The following DIAPH2 variants were observed in gnomAD, a reference collection of about 807,000 sequenced individuals.
DIAPH2 encodes the protein protein diaphanous homolog 2.
In DIAPH2, 35 loss-of-function variants were observed where a neutral mutation model predicts 92.7. The ratio of observed to expected loss-of-function variants is 0.38; its 90% CI spans 0.29 to 0.50. DIAPH2 has a LOEUF of 0.50. Among genes scored for constraint, DIAPH2 ranks in the 20% least tolerant of loss-of-function variants. The pLI is 0.94. For missense variants in DIAPH2, 701 were observed against 819.5 expected (o/e 0.86, Z 1.77); for synonymous variants, 301 against 280.4 (o/e 1.07, Z -0.73).
Position 97,410,338 on chromosome X carries a change from CT to C in DIAPH2, c.3146-19311del, listed in dbSNP as rs1212031707. ...AGGGACCTGACTCGTAGAAGGAAAA[CT>C]AACAAACAGAAAGGAATAGCATCAA... is the stretch of plus-strand genomic sequence containing the variant. On this transcript the variant is annotated intron_variant, in intron 25 of 26. Coordinates refer to ENST00000324765, the MANE Select transcript of DIAPH2 (RefSeq NM_006729.5). Among the ~76,000 whole-genome samples, 5 of 111,987 alleles carry C rather than the reference CT, an allele frequency of 4.5e-5. 1 individual carries two copies. In the Admixed American group the frequency reaches 4.7e-4, roughly 11 times the overall value.
At chrX:97,542,842 G>C (rs1191502894) in intron 26 of DIAPH2, among the ~76,000 whole-genome samples, 1 of 111,253 alleles carries the variant, frequency 9.0e-6, no homozygotes, top group Non-Finnish European at 1.9e-5. Context: ...ATATGGTGGG[G>C]AAAACGACAA....
chrX:97,257,957 T>TA (rs59772699), intron 23 of DIAPH2, among the ~76,000 whole-genome samples: 3,141 of 92,132 alleles, frequency 0.034, 128 homozygotes, highest in African/African-American at 0.099. Flanking sequence ...GTTCTTTGTT[T>TA]AAAAAAAAAA....
At chrX:96,919,551 A>G (rs546027221) in intron 9 of DIAPH2, among the ~76,000 whole-genome samples, 161 of 111,930 alleles carry the variant, frequency 1.4e-3, no homozygotes, top group African/African-American at 5.0e-3. Context: ...TAATTTTATC[A>G]AGCTACTTAG....
chrX:97,091,950 A>G (rs1245911025), intron 19 of DIAPH2, among the ~76,000 whole-genome samples: 1 of 111,880 alleles, frequency 8.9e-6, no homozygotes, highest in Non-Finnish European at 1.9e-5. Flanking sequence ...CCTTATCTCC[A>G]ATCCCAGAGT....
At chrX:97,564,806 T>G (rs912620111) in intron 26 of DIAPH2, among the ~76,000 whole-genome samples, 9 of 111,289 alleles carry the variant, frequency 8.1e-5, no homozygotes, top group African/African-American at 2.9e-4. Context: ...ATAGCATGTT[T>G]AAAAAGTGAA....
intron 24 of DIAPH2, among the ~76,000 whole-genome samples, chrX:97,352,695 C>G (rs977404104): frequency 4.2e-4 from 45 of 106,523 alleles, no homozygotes; most frequent in African/African-American, 1.5e-3. Context: ...CGGTGAAACC[C>G]CGTCTCTACT....
intron 17 of DIAPH2, among the ~76,000 whole-genome samples, chrX:96,996,097 C>T (rs1199525150): frequency 8.9e-6 from 1 of 111,920 alleles, no homozygotes; most frequent in Non-Finnish European, 1.9e-5. Context: ...AGCTGAGAAT[C>T]TGAAATTCAA....
Position 96,912,407 on chromosome X carries a change from G to A in DIAPH2, c.662+5G>A. The A allele has an allele frequency of 8.3e-7, 1 of 1,199,695 alleles. No individual in the cohort carries two copies. Among genetic ancestry groups the A allele is most frequent in the Non-Finnish European group, 1.1e-6 (1 of 888,837 alleles). On this transcript the variant is annotated splice_donor_5th_base_variant and intron_variant, in intron 6 of 26. Transcript: ENST00000324765. ...AAAGCTTCTGGACAAAAAACAGTAA[G>A]AATAAACACTGAAATTAAAATCACC...
chrX:97,423,629 A>G (rs1297380859), intron 25 of DIAPH2, among the ~76,000 whole-genome samples: 1 of 111,761 alleles, frequency 8.9e-6, no homozygotes, highest in South Asian at 3.7e-4. Context: ...CACAAAGCCC[A>G]CAGATGCATG....
At chrX:96,706,960 G>A (rs1181288450) in intron 1 of DIAPH2, among the ~76,000 whole-genome samples, 2 of 110,708 alleles carry the variant, frequency 1.8e-5, no homozygotes, top group Non-Finnish European at 3.8e-5. Flanking sequence ...CCAAATCTCT[G>A]GAGGATAGGA....
intron 17 of DIAPH2, among the ~76,000 whole-genome samples, chrX:97,071,786 T>TA (rs2066670910): frequency 8.9e-6 from 1 of 111,946 alleles, no homozygotes. Context: ...GCTTTTTCTC[T>TA]AAAAAAGAAA....
At chrX:97,448,820 ACTG>A (rs1462408557) in intron 26 of DIAPH2, among the ~76,000 whole-genome samples, 34 of 112,048 alleles carry the variant, frequency 3.0e-4, no homozygotes, top group Admixed American at 2.7e-3. Flanking sequence ...ACAGATTTTT[ACTG>A]CTATTTGTAC....
At chrX:97,223,664 T>G (rs2067943208) in intron 22 of DIAPH2, among the ~76,000 whole-genome samples, 1 of 111,650 alleles carries the variant, frequency 9.0e-6, no homozygotes, top group Non-Finnish European at 1.9e-5. Context: ...CAATTGATAT[T>G]TAATAAACAT....
chrX:96,977,199 C>T (rs5920651), intron 17 of DIAPH2, among the ~76,000 whole-genome samples: 7 of 110,854 alleles, frequency 6.3e-5, no homozygotes, highest in Non-Finnish European at 5.7e-5. Context: ...TCCTATTATC[C>T]TGGCACTAAA....
intron 5 of DIAPH2, among the ~76,000 whole-genome samples, chrX:96,904,436 G>A (rs1174447006): frequency 8.9e-6 from 1 of 112,056 alleles, no homozygotes; most frequent in Non-Finnish European, 1.9e-5. Flanking sequence ...TTCATGTAGA[G>A]AAACCTGAGT....
At chrX:97,397,464 T>A (rs761493245) in intron 25 of DIAPH2, among the ~76,000 whole-genome samples, 11 of 111,786 alleles carry the variant, frequency 9.8e-5, no homozygotes, top group Non-Finnish European at 1.9e-4. Context: ...TAGGAATTAT[T>A]TGGGGCATCA....
chrX:97,455,540 C>T (rs1168802380), intron 26 of DIAPH2, among the ~76,000 whole-genome samples: 1 of 111,867 alleles, frequency 8.9e-6, no homozygotes, highest in Non-Finnish European at 1.9e-5. Context: ...ATAAATTATT[C>T]AAGCTATTGG....
chrX:97,277,600 G>A (rs776380443), intron 23 of DIAPH2, among the ~76,000 whole-genome samples: 17 of 111,045 alleles, frequency 1.5e-4, no homozygotes, highest in African/African-American at 4.2e-4. Context: ...GAATCTCAAG[G>A]TATGTTCCCT....
At position 96,953,223 on chromosome X, in the gene DIAPH2, A is replaced by G. The variant is rs747951305; in HGVS notation, c.1614+4184A>G. 2.2e-4 allele frequency among the ~76,000 whole-genome samples: 25 copies of G among 111,886 alleles called. No homozygotes were observed. In the South Asian group the frequency reaches 2.3e-3, roughly 10 times the overall value. Reference sequence around the variant, plus strand: ...TTGTTTATTAAGTTGTTAATGTTTTACAGAGTTCGTTCAATATTTTATGGA... The same window carrying G: ...TTGTTTATTAAGTTGTTAATGTTTTGCAGAGTTCGTTCAATATTTTATGGA... On this transcript the variant is annotated intron_variant, in intron 15 of 26. Transcript: ENST00000324765.
Sources: gnomAD v4.1 joint callset for allele counts (sites outside exome capture counted in the v4.1 genomes callset) on GRCh38, gnomAD v4.1.1 for gene constraint, MANE v1.5 for transcripts, NCBI Gene and HGNC (gene_info 2026-07-23, HGNC 2026-07-21) for gene names.